FBXO11: variants seen among roughly 807,000 people sequenced by gnomAD.
FBXO11 encodes F-box only protein 11.
Under a neutral mutation model 117.0 loss-of-function variants are expected in FBXO11, and 13 were observed. That is an observed-to-expected ratio of 0.11 (90% CI 0.07 to 0.18). The LOEUF (loss-of-function observed/expected upper bound fraction) is 0.18, where lower values mean the gene tolerates loss of function less well. Among genes scored for constraint, FBXO11 ranks in the 10% least tolerant of loss-of-function variants. The probability of loss-of-function intolerance (pLI) is 1.00; values close to 1 mark genes in which losing one functional copy is unlikely to be tolerated. For synonymous variants in FBXO11, 490 were observed against 380.5 expected, an observed-to-expected ratio of 1.29 and a Z score of -3.35; for missense variants, 767 against 1,164.4, an observed-to-expected ratio of 0.66 and a Z score of 4.97.
At chr2:47,889,080 TTTTTTTTATAAGTTAGCAGTA>T (rs1170702735) in intron 1 of FBXO11, among the ~76,000 whole-genome samples, 1 of 151,998 alleles carries the variant, frequency 6.6e-6, no homozygotes, top group Admixed American at 6.6e-5. Flanking sequence ...CTAGCAGTAC[TTTTTTTTATAAGTTAGCAGTA>T]TTTTTTTATA....
chr2:47,866,534 C>T (rs369078022), intron 1 of FBXO11, among the ~76,000 whole-genome samples: 1 of 151,000 alleles, frequency 6.6e-6, no homozygotes, highest in Non-Finnish European at 1.5e-5. Flanking sequence ...AGTACAGTGG[C>T]GTGATCTAAG....
intron 13 of FBXO11, 129 bp from the exon 14 acceptor site, chr2:47,820,585 G>A (rs753817241): frequency 5.6e-5 from 36 of 644,576 alleles, no homozygotes; most frequent in Non-Finnish European, 9.1e-5. Flanking sequence ...AAAATTAAGA[G>A]AACTAGAAGT....
rs540905381 is a variant in FBXO11, at chr2:47,826,160, G to A, written c.1399-2800C>T. On this transcript the variant is annotated intron_variant, in intron 11 of 22. Coordinates refer to ENST00000403359, the MANE Select transcript of FBXO11 (RefSeq NM_001190274.2). ...TGCAACCTCCATGTCCCGGGTTCAC[G>A]CCATTCTCCTGCCTTAGCCTCCCGA... Among the ~76,000 whole-genome samples the A allele has an allele frequency of 2.5e-4, 38 of 152,136 alleles. 1 individual carries two copies. The highest frequency in any genetic ancestry group is 8.0e-4 in the African/African-American group (33 of 41,482).
Position 47,839,678 on chromosome 2 carries a change from C to T in FBXO11, c.324G>A (p.Pro108=), listed in dbSNP as rs748009087. ...TCTTTGTGGGACACGCTGTTCTTTT[C>T]GGCAAAAGAGTTTTTCTACGAAGTT... ...PYQLRRKTLL[P]KRTACPTKNS... The change falls in exon 2 of 23, where the codon CCG becomes CCA. Residue 108 remains proline (P), a synonymous_variant. Coordinates refer to ENST00000403359, the MANE Select transcript of FBXO11 (RefSeq NM_001190274.2). 16 of 1,613,946 alleles carry T rather than the reference C, an allele frequency of 9.9e-6. No homozygotes were observed. Among genetic ancestry groups the T allele is most frequent in the East Asian group, 4.5e-5 (2 of 44,874 alleles).
chr2:47,899,397 C>G lies in FBXO11; in HGVS notation c.232+6092G>C, dbSNP rs138622601. The stretch of plus-strand genomic sequence containing the variant: ...TAATTTTATATACAGCTGATACAAT[C>G]CCTTACTTTTTATATTTAAAAGACC... On this transcript the variant is annotated intron_variant, in intron 1 of 22. Coordinates refer to ENST00000403359, the MANE Select transcript of FBXO11 (RefSeq NM_001190274.2). Among the ~76,000 whole-genome samples, 8 of 151,974 alleles carry G rather than the reference C, an allele frequency of 5.3e-5. No individual in the cohort carries two copies. The East Asian group carries it at 1.5e-3, about 29-fold the overall frequency.
intron 1 of FBXO11, among the ~76,000 whole-genome samples, chr2:47,895,184 T>A (rs1677563120): frequency 6.6e-6 from 1 of 151,780 alleles, no homozygotes; most frequent in Admixed American, 6.6e-5. Flanking sequence ...AAGAAAAAAA[T>A]GCAGAAAAAT....
chr2:47,847,202 G>C (rs138636847), intron 1 of FBXO11, among the ~76,000 whole-genome samples: 1 of 152,102 alleles, frequency 6.6e-6, no homozygotes, highest in African/African-American at 2.4e-5. Context: ...CCGACATTGT[G>C]CAACTGCACT....
rs1276142286 is a variant in FBXO11, at chr2:47,905,963, G to T, written c.-243C>A. On this transcript the variant is annotated 5_prime_UTR_variant, in exon 1 of 23. Transcript: ENST00000403359. ...GAGGGCCTGACGCACGGGGAAGGCC[G>T]AAGCCGCCGGGCGGGGCGGCCGCGA... The T allele has an allele frequency of 2.3e-6, 1 of 426,608 alleles. No individual in the cohort carries two copies. The highest frequency in any genetic ancestry group is 2.1e-5 in the African/African-American group (1 of 47,798). 26.4% of individuals were successfully genotyped at this position (426,608 alleles called of 1,614,324 possible).
intron 1 of FBXO11, among the ~76,000 whole-genome samples, chr2:47,902,048 G>A (rs2104097066): frequency 6.6e-6 from 1 of 152,316 alleles, no homozygotes; most frequent in South Asian, 2.1e-4. Context: ...CGATTCTCCT[G>A]CCTCAGCCTC....
intron 11 of FBXO11, among the ~76,000 whole-genome samples, chr2:47,824,157 A>T (rs1671579115): frequency 1.3e-5 from 2 of 152,244 alleles, no homozygotes; most frequent in Admixed American, 6.5e-5. Flanking sequence ...ACAAAAGGTT[A>T]AAGTCATTAA....
intron 1 of FBXO11, among the ~76,000 whole-genome samples, chr2:47,901,721 G>C (rs572287284): frequency 6.6e-6 from 1 of 152,116 alleles, no homozygotes; most frequent in African/African-American, 2.4e-5. Context: ...AGAACACACA[G>C]CACTTCTGTA....
chr2:47,846,820 T>C (rs1434386692), intron 1 of FBXO11, among the ~76,000 whole-genome samples: 2 of 152,200 alleles, frequency 1.3e-5, no homozygotes, highest in Non-Finnish European at 2.9e-5. Context: ...AAATAGTACG[T>C]ATGTGTAACA....
chr2:47,840,889 G>A (rs1672963017), intron 1 of FBXO11, among the ~76,000 whole-genome samples: 1 of 151,454 alleles, frequency 6.6e-6, no homozygotes, highest in Non-Finnish European at 1.5e-5. Flanking sequence ...GATGCTAGTG[G>A]AAACCAACCC....
chr2:47,854,552 G>T (rs1208348687), intron 1 of FBXO11, among the ~76,000 whole-genome samples: 1 of 151,924 alleles, frequency 6.6e-6, no homozygotes, highest in Non-Finnish European at 1.5e-5. Flanking sequence ...TGTATGACTG[G>T]ACAAGTCAAT....
intron 11 of FBXO11, among the ~76,000 whole-genome samples, chr2:47,829,044 C>T (rs1671984346): frequency 6.6e-6 from 1 of 151,264 alleles, no homozygotes; most frequent in Non-Finnish European, 1.5e-5. Context: ...GCCTCAACCT[C>T]CTGAGAGGCT....
chr2:47,869,678 TA>T (rs1377654253), intron 1 of FBXO11, among the ~76,000 whole-genome samples: 1 of 152,192 alleles, frequency 6.6e-6, no homozygotes, highest in Non-Finnish European at 1.5e-5. Context: ...AAAGAAGTTA[TA>T]AAGAAGGTAG....
At chr2:47,839,298 T>C (rs1193266660) in intron 3 of FBXO11, 121 bp downstream of exon 3, 6 of 919,852 alleles carry the variant, frequency 6.5e-6, no homozygotes, top group African/African-American at 3.4e-5. Context: ...GTTTATTCTG[T>C]AATAATCACT....
In FBXO11 at chr2:47,905,801, TG is replaced by T; in HGVS notation, c.-82del. 2.1e-6 allele frequency: 1 copy of T among 484,288 alleles called. No individual in the cohort carries two copies. Among genetic ancestry groups the T allele is most frequent in the Non-Finnish European group, 2.6e-6 (1 of 391,986 alleles). The allele number at this position is 484,288 out of a possible 1,614,324, so 30.0% of individuals were successfully genotyped here. On this transcript the variant is annotated 5_prime_UTR_variant, in exon 1 of 23. Coordinates refer to ENST00000403359, the MANE Select transcript of FBXO11 (RefSeq NM_001190274.2). The stretch of plus-strand genomic sequence containing the variant: ...CGAGCTTCGGGGCAGGAGAAAGGGG[TG>T]GGGAGAGTGGGAGAGGGGGGAGGAA...
chr2:47,854,828 G>A (rs564562185), intron 1 of FBXO11, among the ~76,000 whole-genome samples: 1 of 150,640 alleles, frequency 6.6e-6, no homozygotes, highest in South Asian at 2.1e-4. Context: ...GAATGCCAAG[G>A]TAAAACAACT....
Sources: gnomAD v4.1 joint callset for allele counts (sites outside exome capture counted in the v4.1 genomes callset) on GRCh38, gnomAD v4.1.1 for gene constraint, MANE v1.5 for transcripts, NCBI Gene and HGNC (gene_info 2026-07-23, HGNC 2026-07-21) for gene names.